Variants in SENP1 observed in about 807,000 individuals in gnomAD.
SENP1 encodes sentrin-specific protease 1.
A neutral mutation model predicts 93.0 loss-of-function variants in SENP1; 21 were observed. The ratio of observed to expected loss-of-function variants is 0.23; its 90% confidence interval spans 0.16 to 0.33. The LOEUF (loss-of-function observed/expected upper bound fraction) is 0.33, where lower values mean the gene tolerates loss of function less well. Ranked by LOEUF, SENP1 falls within the 10% of genes least tolerant of loss-of-function variation. The pLI is 1.00. For synonymous variants in SENP1, 256 were observed against 259.6 expected, an observed-to-expected ratio of 0.99 and a Z score of 0.13; for missense variants, 591 against 758.7, an observed-to-expected ratio of 0.78 and a Z score of 2.60.
At chr12:48,057,941 CTTTTTTTTTTT>C (rs370210767) in intron 13 of SENP1, among the ~76,000 whole-genome samples, 7 of 85,690 alleles carry the variant, frequency 8.2e-5, no homozygotes, top group South Asian at 4.6e-4. Flanking sequence ...TTTATTTCCT[CTTTTTTTTTTT>C]TTTTTTTTTT....
At chr12:48,056,092 C>A (rs1176135771) in intron 13 of SENP1, among the ~76,000 whole-genome samples, 1 of 119,362 alleles carries the variant, frequency 8.4e-6, no homozygotes, top group South Asian at 2.5e-4. Flanking sequence ...ATTTACCATA[C>A]AGTATATATT....
At chr12:48,089,117 C>A in intron 4 of SENP1, 157 bp from the exon 5 acceptor site, 1 of 1,571,574 alleles carries the variant, frequency 6.4e-7, no homozygotes, top group South Asian at 1.2e-5. Flanking sequence ...GTAAAGTCTG[C>A]AGTAGGGGAA....
In SENP1 at chr12:48,044,355, T is replaced by TAC. The variant is rs1381263792; in HGVS notation, c.*965_*966dup. ...GCATATCCCTGTGAAATTTTATACATACATATATATATATATATATGTATG... is the reference window on the plus strand; with the variant it reads ...GCATATCCCTGTGAAATTTTATACATACACATATATATATATATATATGTATG... On this transcript the variant is annotated 3_prime_UTR_variant, in exon 18 of 18. Coordinates refer to ENST00000549518, the MANE Select transcript of SENP1 (RefSeq NM_001267594.2). 1.3e-5 allele frequency: 1 copy of TAC among 75,700 alleles called. No homozygotes were observed. Among genetic ancestry groups the TAC allele is most frequent in the Non-Finnish European group, 2.5e-5 (1 of 40,368 alleles). 4.7% of individuals were successfully genotyped at this position (75,700 alleles called of 1,614,324 possible).
rs536653170 is a variant in SENP1, at chr12:48,045,440, G to A, written c.1873-56C>T. On this transcript the variant is annotated intron_variant, in intron 17 of 17. Coordinates refer to ENST00000549518, the MANE Select transcript of SENP1 (RefSeq NM_001267594.2). ...CAATGCTTTTGTCTAGACCTGATAC[G>A]CCTTTCCCCATACTTCTTTCTTTTG... 7.0e-6 allele frequency: 10 copies of A among 1,418,578 alleles called. 1 individual carries two copies. The highest frequency in any genetic ancestry group is 4.6e-5 in the South Asian group (4 of 86,104). The allele number at this position is 1,418,578 out of a possible 1,614,324, so 87.9% of individuals were successfully genotyped here. A position where few individuals can be genotyped will look rare whatever the true frequency, so the allele number is the denominator to read the frequency against.
chr12:48,084,553 A>T (rs940483362), intron 5 of SENP1, among the ~76,000 whole-genome samples: 3 of 147,164 alleles, frequency 2.0e-5, no homozygotes, highest in Non-Finnish European at 4.4e-5. Context: ...GGTTCAAGTG[A>T]TTCTCCCGCC....
chr12:48,088,344 C>T (rs1414085005), intron 5 of SENP1, among the ~76,000 whole-genome samples: 2 of 152,172 alleles, frequency 1.3e-5, no homozygotes, highest in East Asian at 1.9e-4. Context: ...CACGAGTCAC[C>T]GTGCCCGGTC....
chr12:48,055,867 TTAATA>T (rs1278586201), intron 13 of SENP1, among the ~76,000 whole-genome samples: 3 of 142,134 alleles, frequency 2.1e-5, no homozygotes, highest in African/African-American at 7.7e-5. Flanking sequence ...GTATAATATA[TTAATA>T]TATTACATAT....
chr12:48,102,244 C>T (rs1945989236), intron 1 of SENP1, among the ~76,000 whole-genome samples: 1 of 152,008 alleles, frequency 6.6e-6, no homozygotes, highest in East Asian at 1.9e-4. Flanking sequence ...CCAGCCTGGC[C>T]AACATGGTGA....
At chr12:48,069,818 C>A (rs556903660) in intron 9 of SENP1, among the ~76,000 whole-genome samples, 2 of 152,182 alleles carry the variant, frequency 1.3e-5, no homozygotes, top group African/African-American at 4.8e-5. Flanking sequence ...TATGAAGTCT[C>A]CCCAAAAGAC....
At chr12:48,055,696 A>G (rs1193587408) in intron 13 of SENP1, 4 of 151,540 alleles carry the variant, frequency 2.6e-5, no homozygotes, top group Non-Finnish European at 5.9e-5. Context: ...AGCACATTTC[A>G]AAGAGAAGGT....
intron 8 of SENP1, among the ~76,000 whole-genome samples, chr12:48,073,904 T>C (rs527371735): frequency 6.6e-6 from 1 of 152,302 alleles, no homozygotes; most frequent in South Asian, 2.1e-4. Context: ...CATTTGCATC[T>C]TGAGGTAAGA....
intron 6 of SENP1, among the ~76,000 whole-genome samples, chr12:48,078,803 A>G (rs998205713): frequency 6.6e-6 from 1 of 152,242 alleles, no homozygotes; most frequent in Non-Finnish European, 1.5e-5. Flanking sequence ...ACCATCTGGT[A>G]CTATCAGTAA....
intron 10 of SENP1, 49 bp downstream of exon 10, chr12:48,066,878 C>T (rs1279133002): frequency 7.2e-7 from 1 of 1,384,516 alleles, no homozygotes; most frequent in South Asian, 1.3e-5. Flanking sequence ...TTTCTTCTAA[C>T]TAAAAATGAA....
intron 10 of SENP1, among the ~76,000 whole-genome samples, chr12:48,066,517 T>C (rs1943310349): frequency 6.6e-6 from 1 of 150,946 alleles, no homozygotes; most frequent in Non-Finnish European, 1.5e-5. Context: ...GGCACTTCTT[T>C]TTTTTTTTTT....
intron 4 of SENP1, among the ~76,000 whole-genome samples, chr12:48,092,706 C>T (rs144297681): frequency 0.011 from 1,731 of 152,182 alleles, 41 homozygotes; most frequent in African/African-American, 0.039. Flanking sequence ...AAAAAAGGTA[C>T]TCAAGTGAGA....
At chr12:48,089,551 A>G (rs1490014512) in intron 4 of SENP1, among the ~76,000 whole-genome samples, 1 of 152,250 alleles carries the variant, frequency 6.6e-6, no homozygotes, top group East Asian at 1.9e-4. Flanking sequence ...CTAATGCCAT[A>G]ATCAAACATA....
chr12:48,091,058 C>A (rs1382116005), intron 4 of SENP1, among the ~76,000 whole-genome samples: 2 of 152,128 alleles, frequency 1.3e-5, no homozygotes, highest in Non-Finnish European at 2.9e-5. Context: ...TGGTTATGTT[C>A]TAATGATAGA....
intron 6 of SENP1, among the ~76,000 whole-genome samples, chr12:48,079,329 C>T (rs986396899): frequency 3.9e-5 from 6 of 151,926 alleles, no homozygotes; most frequent in South Asian, 2.1e-4. Context: ...GAAACTCCGT[C>T]TCTACTGAAA....
At chr12:48,092,157 G>C (rs2051851) in intron 4 of SENP1, among the ~76,000 whole-genome samples, 107,569 of 151,808 alleles carry the variant, frequency 0.71, 39,046 homozygotes, top group East Asian at 0.99. Context: ...TTTGGGCCTT[G>C]CTGCTCATTT....
Sources: gnomAD v4.1 joint callset for allele counts (sites outside exome capture counted in the v4.1 genomes callset) on GRCh38, gnomAD v4.1.1 for gene constraint, MANE v1.5 for transcripts, NCBI Gene and HGNC (gene_info 2026-07-23, HGNC 2026-07-21) for gene names.